The following ZMYND8 variants were observed in gnomAD, a reference collection of about 807,000 sequenced individuals.
The protein encoded by ZMYND8 is zinc finger MYND-type containing 8.
ZMYND8 carries 37 observed loss-of-function variants against 140.8 expected under a neutral mutation model. The ratio of observed to expected loss-of-function variants is 0.26; its 90% CI spans 0.20 to 0.35. The LOEUF (loss-of-function observed/expected upper bound fraction) is 0.35, where lower values mean the gene tolerates loss of function less well. Ranked by LOEUF, ZMYND8 falls within the 10% of genes least tolerant of loss-of-function variation. The probability of loss-of-function intolerance (pLI) is 1.00; values close to 1 mark genes in which losing one functional copy is unlikely to be tolerated. For missense variants in ZMYND8, 1,068 were observed against 1,570.0 expected (o/e 0.68, Z 5.40); for synonymous variants, 592 against 597.1 (o/e 0.99, Z 0.12).
intron 2 of ZMYND8, among the ~76,000 whole-genome samples, chr20:47,314,978 A>G (rs2079263075): frequency 6.6e-6 from 1 of 152,168 alleles, no homozygotes; most frequent in Non-Finnish European, 1.5e-5. Context: ...CAGGAGTGCA[A>G]TTTCTAGGGA....
intron 2 of ZMYND8, chr20:47,318,716 G>C (rs1207696734): frequency 4.4e-6 from 2 of 458,816 alleles, no homozygotes; most frequent in Non-Finnish European, 8.7e-6. Context: ...AGAGCTGCCG[G>C]GCTGAGCCCT....
chr20:47,254,285 AACC>A (rs1430642506), intron 12 of ZMYND8, among the ~76,000 whole-genome samples: 1 of 152,212 alleles, frequency 6.6e-6, no homozygotes, highest in Non-Finnish European at 1.5e-5. Flanking sequence ...CATAAATCAG[AACC>A]ACCTCTTTAG....
chr20:47,212,976 G>T (rs2035503727), intron 21 of ZMYND8, among the ~76,000 whole-genome samples: 1 of 152,170 alleles, frequency 6.6e-6, no homozygotes, highest in African/African-American at 2.4e-5. Flanking sequence ...GGTATACAAT[G>T]ACATAAAAGC....
rs2147798754 is a variant in ZMYND8, at chr20:47,276,686, C to T, written c.1108G>A (p.Val370Met). The T allele has an allele frequency of 1.9e-6, 3 of 1,613,976 alleles. No individual in the cohort carries two copies. Among genetic ancestry groups the T allele is most frequent in the South Asian group, 1.1e-5 (1 of 91,072 alleles). ...NSAMQEMEVY[V>M]ENIRRKFGVF... is the part of the protein sequence containing the mutation. ...CCAAACTTCCTGCGGATGTTCTCCA[C>T]GTAAACCTCCATCTCTTGCATGGCA... The change falls in exon 11 of 23, where the codon GTG (valine) becomes ATG (methionine). Residue 370 changes from valine to methionine, a missense_variant. By Grantham distance (21) the Val-to-Met change is conservative. This residue lies in a region of ZMYND8 where 49 missense variants were observed against 94.1 expected (regional missense o/e 0.52). Transcript: ENST00000471951.
chr20:47,212,116 G>C (rs1255374424), intron 22 of ZMYND8, among the ~76,000 whole-genome samples: 1 of 152,228 alleles, frequency 6.6e-6, no homozygotes, highest in Non-Finnish European at 1.5e-5. Flanking sequence ...GAAGGACTCT[G>C]GGGAGTGATG....
chr20:47,266,904 G>GT (rs1320280483), intron 11 of ZMYND8, among the ~76,000 whole-genome samples: 1 of 151,986 alleles, frequency 6.6e-6, no homozygotes, highest in African/African-American at 2.4e-5. Context: ...TCACTCTTAG[G>GT]TAAGTACCTA....
chr20:47,255,871 C>G (rs986351204), intron 12 of ZMYND8, among the ~76,000 whole-genome samples: 1 of 146,590 alleles, frequency 6.8e-6, no homozygotes, highest in African/African-American at 2.5e-5. Flanking sequence ...GTCAGGAGTT[C>G]GAGACCAGCC....
intron 10 of ZMYND8, among the ~76,000 whole-genome samples, 169 bp downstream of exon 10, chr20:47,281,933 A>G (rs1014042663): frequency 5.3e-5 from 8 of 152,222 alleles, no homozygotes; most frequent in Admixed American, 3.3e-4. Flanking sequence ...AGCCCACGCC[A>G]TTACCAAGCT....
In ZMYND8 at chr20:47,270,245, A is replaced by G. The variant is rs562512284; in HGVS notation, c.1480+6069T>C. Among the ~76,000 whole-genome samples, 15 of 151,436 alleles carry G rather than the reference A, an allele frequency of 9.9e-5. No homozygotes were observed. The East Asian group carries it at 2.9e-3, about 29-fold the overall frequency. On this transcript the variant is annotated intron_variant, in intron 11 of 22. Coordinates refer to ENST00000471951, the MANE Select transcript of ZMYND8 (RefSeq NM_001281775.3). ...AGAGTGTGACCCTGTCTCTTAAAAA[A>G]AAAAAAAATCCCAGCTACTCGGGAG... is the stretch of plus-strand genomic sequence containing the variant.
At chr20:47,289,306 T>C (rs2077111392) in intron 7 of ZMYND8, among the ~76,000 whole-genome samples, 2 of 152,228 alleles carry the variant, frequency 1.3e-5, no homozygotes, top group Middle Eastern at 3.4e-3. Flanking sequence ...GCAGACAATA[T>C]CAACCCTTAT....
In ZMYND8 at chr20:47,308,099, CAG is replaced by C. The variant is rs373139943; in HGVS notation, c.234+1955_234+1956del. Reference sequence around the variant, plus strand: ...CACCAATGCACCCCAGCCTGGGTGACAGAGTCAGACTCTGTCTCAAAAAAAAA... The same window carrying C: ...CACCAATGCACCCCAGCCTGGGTGACAGTCAGACTCTGTCTCAAAAAAAAA... On this transcript the variant is annotated intron_variant, in intron 3 of 22. Coordinates refer to ENST00000471951, the MANE Select transcript of ZMYND8 (RefSeq NM_001281775.3). 6.3e-4 allele frequency among the ~76,000 whole-genome samples: 89 copies of C among 140,956 alleles called. No individual in the cohort carries two copies. The East Asian group carries it at 0.01, about 16-fold the overall frequency. The allele number at this position is 140,956 out of a possible 152,430, so 92.5% of individuals were successfully genotyped here.
In ZMYND8 at chr20:47,298,718, C is replaced by A. The variant is rs183286175; in HGVS notation, c.453+11G>T. ...CGAGGCAGGTAATGCATTCATTCAT[C>A]AGGAACTAACCTCACATTCAGGACA... On this transcript the variant is annotated intron_variant, in intron 4 of 22. Transcript: ENST00000471951. This position sits in a 1 kb window ranked among gnomAD's most constrained non-coding sequence, Gnocchi z 5.0. 6.2e-7 allele frequency: 1 copy of A among 1,609,700 alleles called. No homozygotes were observed. Among genetic ancestry groups the A allele is most frequent in the African/African-American group, 1.3e-5 (1 of 74,982 alleles).
chr20:47,353,586 A>G (rs1457955038), intron 1 of ZMYND8: 2 of 152,238 alleles, frequency 1.3e-5, no homozygotes, highest in African/African-American at 4.8e-5. Context: ...TTAATTTCCC[A>G]AAGCAGAAAG....
At chr20:47,337,278 G>A (rs947486866) in intron 2 of ZMYND8, among the ~76,000 whole-genome samples, 13 of 152,158 alleles carry the variant, frequency 8.5e-5, no homozygotes, top group Non-Finnish European at 1.2e-4. Flanking sequence ...ATTGAATCCA[G>A]GAGGCGGAGG....
rs747133677 is a variant in ZMYND8, at chr20:47,276,783, T to C, written c.1011A>G (p.Pro337=). The C allele has an allele frequency of 1.4e-5, 22 of 1,609,908 alleles. No individual in the cohort carries two copies. Among genetic ancestry groups the C allele is most frequent in the Middle Eastern group, 3.3e-4 (2 of 6,060 alleles). The part of the protein sequence containing the change: ...FFGQHDRAWV[P]INNCYLMSKE... ...TAGACATGAGGTAGCAATTATTTAT[T>C]GGAACCCAGGCCCTAGAAGGGCAAA... is the stretch of plus-strand genomic sequence containing the variant. Residue 337 remains proline, a synonymous_variant, in exon 11 of 23, where the codon CCA becomes CCG. Transcript: ENST00000471951.
At chr20:47,344,314 A>G (rs984316489) in intron 2 of ZMYND8, among the ~76,000 whole-genome samples, 2 of 152,112 alleles carry the variant, frequency 1.3e-5, no homozygotes, top group African/African-American at 4.8e-5. Context: ...CATACCCTTG[A>G]TGTGATATGA....
At chr20:47,352,109 A>T in intron 1 of ZMYND8, 1 of 693,414 alleles carries the variant, frequency 1.4e-6, no homozygotes, top group Non-Finnish European at 1.8e-6. Context: ...CAAACTGCAG[A>T]CGGACAGGTG....
intron 11 of ZMYND8, among the ~76,000 whole-genome samples, chr20:47,271,862 T>C (rs1052920704): frequency 6.6e-6 from 1 of 152,092 alleles, no homozygotes; most frequent in Non-Finnish European, 1.5e-5. Flanking sequence ...TTTGTATTTT[T>C]AGTAGAGACG....
At position 47,212,641 on chromosome 20, in the gene ZMYND8, C is replaced by A; in HGVS notation, c.3568+1G>T. On this transcript the variant is annotated splice_donor_variant, in intron 22 of 22. Transcript: ENST00000471951. LOFTEE classifies it high-confidence loss of function. ...CTTTCGTAAGACAGGTTCATACTTACACTTCTGGGCGGGGTAGTTGGGGTG... is the reference window on the plus strand; with the variant it reads ...CTTTCGTAAGACAGGTTCATACTTAAACTTCTGGGCGGGGTAGTTGGGGTG... The A allele has an allele frequency of 6.2e-7, 1 of 1,613,828 alleles. No homozygotes were observed. Among genetic ancestry groups the A allele is most frequent in the Non-Finnish European group, 8.5e-7 (1 of 1,179,816 alleles).
Sources: gnomAD v4.1 joint callset for allele counts (sites outside exome capture counted in the v4.1 genomes callset) on GRCh38, gnomAD v4.1.1 for gene constraint, gnomAD v4.1.1 regional missense constraint, Gnocchi (gnomAD v3.1) non-coding constraint, MANE v1.5 for transcripts, NCBI Gene and HGNC (gene_info 2026-07-23, HGNC 2026-07-21) for gene names.